Variants in DCN observed in about 807,000 individuals in gnomAD.
The protein encoded by DCN is decorin, also known as bone proteoglycan II.
In DCN, 17 loss-of-function variants were observed where a neutral mutation model predicts 36.5. The observed-to-expected ratio is 0.47, with a 90% CI of 0.32 to 0.70. DCN has a LOEUF of 0.70. Ranked by LOEUF, DCN falls within the 30% of genes least tolerant of loss-of-function variation. The probability of loss-of-function intolerance (pLI) is 0.04; values close to 1 mark genes in which losing one functional copy is unlikely to be tolerated. For synonymous variants in DCN, 163 were observed against 161.4 expected, an observed-to-expected ratio of 1.01 and a Z score of -0.07; for missense variants, 389 against 430.1, an observed-to-expected ratio of 0.90 and a Z score of 0.84.
At chr12:91,172,755 T>C (rs981757373) in intron 2 of DCN, 2 of 700,066 alleles carry the variant, frequency 2.9e-6, no homozygotes, top group Non-Finnish European at 5.2e-6. Flanking sequence ...AAGCCATGCA[T>C]ATGTTCGTGT....
chr12:91,173,425 A>G (rs1883098126), intron 2 of DCN, among the ~76,000 whole-genome samples: 1 of 151,770 alleles, frequency 6.6e-6, no homozygotes, highest in African/African-American at 2.4e-5. Context: ...GACCTTCTTG[A>G]CTCCCTCTCT....
At chr12:91,151,318 TA>T (rs201715198) in intron 7 of DCN, 106 of 208,020 alleles carry the variant, frequency 5.1e-4, no homozygotes, top group East Asian at 1.0e-3. Context: ...TTAGTGACAG[TA>T]AAAAAAAAGA....
intron 2 of DCN, among the ~76,000 whole-genome samples, chr12:91,171,432 A>G (rs1366198185): frequency 1.3e-5 from 2 of 152,220 alleles, no homozygotes; most frequent in Non-Finnish European, 2.9e-5. Flanking sequence ...CTTCTACAAT[A>G]TGCATTTATC....
At chr12:91,182,595 A>G (rs1030198837) in intron 1 of DCN, 60 bp downstream of exon 1, 2 of 151,778 alleles carry the variant, frequency 1.3e-5, no homozygotes, top group African/African-American at 4.8e-5. Context: ...TTTTGCTCGC[A>G]ACTTGACCGA....
chr12:91,148,721 CAAAAAAAAAAAA>C (rs5799978), intron 7 of DCN, among the ~76,000 whole-genome samples: 104 of 49,484 alleles, frequency 2.1e-3, no homozygotes, highest in African/African-American at 5.8e-3. Flanking sequence ...CGCTCCGACT[CAAAAAAAAAAAA>C]AAAAAAAAAA....
At chr12:91,159,986 C>G (rs1406590139) in intron 3 of DCN, among the ~76,000 whole-genome samples, 6 of 152,056 alleles carry the variant, frequency 3.9e-5, no homozygotes, top group Admixed American at 2.0e-4. Flanking sequence ...AAGGTAATAG[C>G]TGATTAATTA....
chr12:91,181,857 A>G (rs1305968885), intron 1 of DCN, among the ~76,000 whole-genome samples: 1 of 152,000 alleles, frequency 6.6e-6, no homozygotes, highest in East Asian at 1.9e-4. Context: ...AACAAGGGTT[A>G]CTATAGGAGG....
In DCN at chr12:91,153,157, C is replaced by A. The variant is rs1881544294; in HGVS notation, c.685G>T (p.Asp229Tyr). The change falls in exon 6 of 8, where the codon GAT (aspartate) becomes TAT (tyrosine). Residue 229 changes from aspartate to tyrosine, a missense_variant. Transcript: ENST00000052754. ...LPPSLTELHL[D>Y]GNKISRVDAA... ...TCAACTCTGCTGATTTTGTTGCCAT[C>A]AAGATGTAATTCCGTAAGGGAAGGA... is the stretch of plus-strand genomic sequence containing the variant. The A allele has an allele frequency of 1.2e-6, 2 of 1,609,308 alleles. No homozygotes were observed. Among genetic ancestry groups the A allele is most frequent in the South Asian group, 2.2e-5 (2 of 90,994 alleles).
chr12:91,152,411 G>T (rs1477624426), intron 6 of DCN, among the ~76,000 whole-genome samples: 5 of 152,046 alleles, frequency 3.3e-5, no homozygotes, highest in Non-Finnish European at 7.4e-5. Flanking sequence ...GTGCTTCTCT[G>T]TAGGGACAGT....
intron 5 of DCN, among the ~76,000 whole-genome samples, chr12:91,156,390 A>G (rs1211489094): frequency 6.6e-6 from 1 of 152,210 alleles, no homozygotes; most frequent in East Asian, 1.9e-4. Flanking sequence ...TCTATATGCT[A>G]AATATTTCTC....
intron 3 of DCN, among the ~76,000 whole-genome samples, chr12:91,164,395 T>C (rs941613631): frequency 5.1e-5 from 1 of 19,670 alleles, no homozygotes; most frequent in Non-Finnish European, 1.0e-4. Context: ...AAAAGAAGCA[T>C]AATTCAAAAA....
intron 7 of DCN, among the ~76,000 whole-genome samples, chr12:91,149,775 A>G (rs1881285059): frequency 6.6e-6 from 1 of 152,234 alleles, no homozygotes. Context: ...ATAAACATCA[A>G]TTGTATGTTT....
Position 91,145,837 on chromosome 12 carries a change from T to A in DCN, c.*221A>T. On this transcript the variant is annotated 3_prime_UTR_variant, in exon 8 of 8. Transcript: ENST00000052754. ...AATATCTCTAGTAGCTCAGTTAACA[T>A]CAACAGAAAGCTTCAAAAGATGATT... is the stretch of plus-strand genomic sequence containing the variant. 3 of 558,452 alleles carry A rather than the reference T, an allele frequency of 5.4e-6. No individual in the cohort carries two copies. The highest frequency in any genetic ancestry group is 9.5e-6 in the Non-Finnish European group (3 of 314,488). The allele number at this position is 558,452 out of a possible 1,614,324, so 34.6% of individuals were successfully genotyped here.
At chr12:91,154,226 T>C (rs1881615852) in intron 5 of DCN, among the ~76,000 whole-genome samples, 1 of 152,116 alleles carries the variant, frequency 6.6e-6, no homozygotes, top group Non-Finnish European at 1.5e-5. Flanking sequence ...AAATGATTCT[T>C]AGTTTCCTAT....
rs1244707933 is a variant in DCN, at chr12:91,165,416, TCTAG to T, written c.212-703_212-700del. Among the ~76,000 whole-genome samples, 7 of 152,324 alleles carry T rather than the reference TCTAG, an allele frequency of 4.6e-5. No homozygotes were observed. The South Asian group carries it at 8.3e-4, about 18-fold the overall frequency. ...ATTACTTTTGGACTTTAGATTTTGGTCTAGCTGAGTGTATTATTGTTTTTAGTTT... is the reference window on the plus strand; with the variant it reads ...ATTACTTTTGGACTTTAGATTTTGGTCTGAGTGTATTATTGTTTTTAGTTT... On this transcript the variant is annotated intron_variant, in intron 2 of 7. Coordinates refer to ENST00000052754, the MANE Select transcript of DCN (RefSeq NM_001920.5).
At chr12:91,148,791 T>G (rs1881217977) in intron 7 of DCN, among the ~76,000 whole-genome samples, 1 of 149,838 alleles carries the variant, frequency 6.7e-6, no homozygotes, top group East Asian at 2.0e-4. Flanking sequence ...CACATTCATG[T>G]GCTGGTGAAA....
intron 2 of DCN, among the ~76,000 whole-genome samples, chr12:91,174,457 G>A (rs767223202): frequency 1.3e-5 from 2 of 151,892 alleles, no homozygotes; most frequent in African/African-American, 2.4e-5. Flanking sequence ...TCTCTAATAA[G>A]TATATGGCCT....
intron 5 of DCN, among the ~76,000 whole-genome samples, chr12:91,155,158 C>T (rs371577001): frequency 2.6e-5 from 4 of 152,098 alleles, no homozygotes; most frequent in East Asian, 1.9e-4. Flanking sequence ...GTTAAACACA[C>T]GAGTTCTGAC....
At chr12:91,146,934 T>C (rs796759887) in intron 7 of DCN, among the ~76,000 whole-genome samples, 2 of 152,342 alleles carry the variant, frequency 1.3e-5, no homozygotes, top group African/African-American at 4.8e-5. Flanking sequence ...CAAGTCACCA[T>C]TGTTTCCTTC....
Sources: allele counts gnomAD v4.1 joint callset (sites outside exome capture counted in the v4.1 genomes callset), GRCh38; gene constraint gnomAD v4.1.1; transcripts MANE v1.5; gene names NCBI Gene and HGNC (gene_info 2026-07-23, HGNC 2026-07-21).